The following PGS1 variants were observed in gnomAD, a reference collection of about 807,000 sequenced individuals.
PGS1 encodes phosphatidylglycerophosphate synthase 1, also known as CDP-diacylglycerol--glycerol-3-phosphate 3-phosphatidyltransferase, mitochondrial.
PGS1 carries 44 observed loss-of-function variants against 58.3 expected under a neutral mutation model. The observed-to-expected ratio is 0.75, with a 90% CI of 0.59 to 0.97. The LOEUF is 0.97. PGS1 is among the 50% of genes least tolerant of loss of function. The pLI is 0.00. For synonymous variants in PGS1, 330 were observed against 311.0 expected, an observed-to-expected ratio of 1.06 and a Z score of -0.64; for missense variants, 684 against 731.1, an observed-to-expected ratio of 0.94 and a Z score of 0.74.
intron 1 of PGS1, among the ~76,000 whole-genome samples, chr17:78,381,212 C>T (rs2082013851): frequency 1.3e-5 from 2 of 152,138 alleles, no homozygotes; most frequent in Admixed American, 1.3e-4. Context: ...ACTTTCTAAT[C>T]TCTTTTTTTT....
chr17:78,424,379 C>T lies in PGS1; in HGVS notation c.*329C>T. 4 of 501,154 alleles carry T rather than the reference C, an allele frequency of 8.0e-6. No homozygotes were observed. In the East Asian group the frequency reaches 9.3e-5, roughly 12 times the overall value. The allele number at this position is 501,154 out of a possible 1,614,324, so 31.0% of individuals were successfully genotyped here. On this transcript the variant is annotated 3_prime_UTR_variant, in exon 10 of 10. Transcript: ENST00000262764. ...GCTCAAGGAACAGCTCAGCTAAAGC[C>T]CTCGGGTTCCATCCGTTTAAATCTG...
chr17:78,388,713 G>A (rs1598258177), intron 1 of PGS1, among the ~76,000 whole-genome samples: 3 of 152,202 alleles, frequency 2.0e-5, no homozygotes, highest in South Asian at 4.1e-4. Context: ...TTCCTTGTTT[G>A]AATCCTACCA....
At chr17:78,412,699 A>C (rs1395884300) in intron 7 of PGS1, among the ~76,000 whole-genome samples, 1 of 152,236 alleles carries the variant, frequency 6.6e-6, no homozygotes, top group African/African-American at 2.4e-5. Flanking sequence ...GACACAGAGC[A>C]GCCTGACCCT....
At chr17:78,398,414 GTT>G in intron 4 of PGS1, 63 bp downstream of exon 4, 1 of 1,107,722 alleles carries the variant, frequency 9.0e-7, no homozygotes, top group Admixed American at 1.7e-5. Flanking sequence ...CCCAAGAGGG[GTT>G]ACTGTCACCC....
Position 78,378,657 on chromosome 17 carries a change from C to A in PGS1, c.-9C>A, listed in dbSNP as rs201804193. ...CCGCCGGGAGCGGAAGCGGAAGCGG[C>A]GAGTCTCCATGGCGGTGGCGGCGGC... On this transcript the variant is annotated 5_prime_UTR_variant, in exon 1 of 10. Coordinates refer to ENST00000262764, the MANE Select transcript of PGS1 (RefSeq NM_024419.5). 2 of 1,527,716 alleles carry A rather than the reference C, an allele frequency of 1.3e-6. No individual in the cohort carries two copies. Among genetic ancestry groups the A allele is most frequent in the Non-Finnish European group, 8.7e-7 (1 of 1,145,604 alleles). The allele number at this position is 1,527,716 out of a possible 1,614,324, so 94.6% of individuals were successfully genotyped here. A position where few individuals can be genotyped will look rare whatever the true frequency, so the allele number is the denominator to read the frequency against.
chr17:78,386,066 C>CCT (rs2146081679), intron 1 of PGS1, among the ~76,000 whole-genome samples: 2 of 152,300 alleles, frequency 1.3e-5, no homozygotes, highest in Admixed American at 1.3e-4. Flanking sequence ...CCAGCCCATT[C>CCT]CTCAGTTCAG....
At chr17:78,415,411 G>A (rs775186599) in intron 8 of PGS1, among the ~76,000 whole-genome samples, 3 of 152,146 alleles carry the variant, frequency 2.0e-5, no homozygotes, top group East Asian at 1.9e-4. Flanking sequence ...CAGGTGGGTC[G>A]CCTGAGGTCA....
chr17:78,403,763 C>A lies in PGS1; in HGVS notation c.1076C>A (p.Pro359His). The A allele has an allele frequency of 1.2e-6, 2 of 1,614,180 alleles. No homozygotes were observed. Among genetic ancestry groups the A allele is most frequent in the Non-Finnish European group, 1.7e-6 (2 of 1,180,032 alleles). Residue 359 changes from proline to histidine, a missense_variant, in exon 7 of 10, where the codon CCC becomes CAC. By Grantham distance (77) the Pro-to-His change is moderately conservative. Transcript: ENST00000262764. The part of the protein sequence containing the change: ...TWIYPLIQMK[P>H]FEIQIDEIVT... ...ATTTATCCGCTGATTCAGATGAAGC[C>A]CTTCGAGATTCAAATCGATGAGATT...
At chr17:78,423,518 A>G (rs145933094) in intron 9 of PGS1, among the ~76,000 whole-genome samples, 2 of 152,260 alleles carry the variant, frequency 1.3e-5, no homozygotes, top group East Asian at 3.9e-4. Flanking sequence ...GTGAGTGCCA[A>G]GCCCTCACCC....
At chr17:78,384,204 G>A (rs1192263431) in intron 1 of PGS1, among the ~76,000 whole-genome samples, 2 of 152,158 alleles carry the variant, frequency 1.3e-5, no homozygotes, top group African/African-American at 4.8e-5. Flanking sequence ...TGGCAGCCTG[G>A]GCCTCTCGTG....
At chr17:78,414,567 C>T (rs1222075660) in intron 7 of PGS1, among the ~76,000 whole-genome samples, 2 of 152,150 alleles carry the variant, frequency 1.3e-5, no homozygotes, top group South Asian at 2.1e-4. Flanking sequence ...CGGCAGGTGG[C>T]GTCACCATGT....
rs144287462 is a variant in PGS1 at position 78,380,515 on chromosome 17, C to T, written c.143+1707C>T. Among the ~76,000 whole-genome samples the T allele has an allele frequency of 9.5e-4, 144 of 152,328 alleles. 1 individual carries two copies. The highest frequency in any genetic ancestry group is 3.4e-3 in the African/African-American group (141 of 41,582). On this transcript the variant is annotated intron_variant, in intron 1 of 9. Transcript: ENST00000262764. The stretch of plus-strand genomic sequence containing the variant: ...GTTGGTGAACCCAGCAGGACTGGGG[C>T]TGTAAAAGAAATGGCCTCTGCATTT...
At chr17:78,419,441 CAG>C (rs2085492719) in intron 8 of PGS1, 103 bp from the exon 9 acceptor site, 3 of 979,298 alleles carry the variant, frequency 3.1e-6, no homozygotes, top group Middle Eastern at 3.1e-4. Context: ...CATGGGAAGT[CAG>C]GGTTTTCTGG....
intron 1 of PGS1, among the ~76,000 whole-genome samples, chr17:78,386,600 T>C (rs1384954686): frequency 6.6e-6 from 1 of 152,184 alleles, no homozygotes; most frequent in East Asian, 1.9e-4. Flanking sequence ...ACTAGACTTT[T>C]TTGGTAAAAT....
intron 1 of PGS1, among the ~76,000 whole-genome samples, chr17:78,384,317 A>G (rs915528200): frequency 1.3e-5 from 2 of 152,124 alleles, no homozygotes; most frequent in Non-Finnish European, 2.9e-5. Context: ...TTAGTCAGGA[A>G]GGGCCGCCTG....
At chr17:78,420,423 C>G (rs1305356662) in intron 9 of PGS1, 1 of 171,356 alleles carries the variant, frequency 5.8e-6, no homozygotes, top group Admixed American at 6.5e-5. Context: ...CTGGATCCCT[C>G]AGGGCCTGGA....
chr17:78,422,943 A>T (rs1378754178), intron 9 of PGS1, among the ~76,000 whole-genome samples: 1 of 152,042 alleles, frequency 6.6e-6, no homozygotes, highest in Non-Finnish European at 1.5e-5. Flanking sequence ...TAAAAATAAA[A>T]AAATTAGCTG....
intron 7 of PGS1, among the ~76,000 whole-genome samples, chr17:78,411,451 G>A (rs184294749): frequency 2.8e-4 from 42 of 152,276 alleles, no homozygotes; most frequent in Non-Finnish European, 4.3e-4. Flanking sequence ...GTGTCCCCGC[G>A]ACACTTGATT....
At position 78,403,977 on chromosome 17, in the gene PGS1, G is replaced by A. The variant is rs1427706420; in HGVS notation, c.1290G>A (p.Ala430=). Reference sequence around the variant, plus strand: ...AGGGGGTGGCCGGCGCCATCCCAGCGGCCTATGTGCACATCGAGCGACAGT... The same window carrying A: ...AGGGGGTGGCCGGCGCCATCCCAGCAGCCTATGTGCACATCGAGCGACAGT... ...GAKGVAGAIP[A]AYVHIERQFF... Residue 430 remains alanine, a synonymous_variant, in exon 7 of 10, where the codon GCG becomes GCA. Transcript: ENST00000262764. 6.8e-6 allele frequency: 11 copies of A among 1,613,924 alleles called. No homozygotes were observed. The highest frequency in any genetic ancestry group is 8.5e-6 in the Non-Finnish European group (10 of 1,179,998).
Sources: allele counts gnomAD v4.1 joint callset (sites outside exome capture counted in the v4.1 genomes callset), GRCh38; gene constraint gnomAD v4.1.1; transcripts MANE v1.5; gene names NCBI Gene and HGNC (gene_info 2026-07-23, HGNC 2026-07-21).